EDARADD: variants seen among roughly 807,000 people sequenced by gnomAD.
The protein encoded by EDARADD is EDAR associated via death domain.
EDARADD carries 20 observed loss-of-function variants against 25.6 expected under a neutral mutation model. The ratio of observed to expected loss-of-function variants is 0.78; its 90% CI spans 0.55 to 1.14. The LOEUF (loss-of-function observed/expected upper bound fraction) is 1.14, where lower values mean the gene tolerates loss of function less well. Ranked by LOEUF, EDARADD falls within the 50% of genes most tolerant of loss-of-function variation. The pLI is 0.00. For synonymous variants in EDARADD, 86 were observed against 94.4 expected (o/e 0.91, Z 0.52); for missense variants, 225 against 270.1 (o/e 0.83, Z 1.17).
chr1:236,483,162 A>G lies in EDARADD; in HGVS notation c.*513A>G. On this transcript the variant is annotated 3_prime_UTR_variant, in exon 6 of 6. Coordinates refer to ENST00000334232, the MANE Select transcript of EDARADD (RefSeq NM_145861.4). ...AATGAGACCCAGTGGCTAGAAATTC[A>G]CCATGTCTATTCTCAAGATCCATGC... 1 of 1,544,758 alleles carries G rather than the reference A, an allele frequency of 6.5e-7. No homozygotes were observed. Among genetic ancestry groups the G allele is most frequent in the Non-Finnish European group, 8.9e-7 (1 of 1,120,118 alleles).
rs577963160 is a variant in EDARADD at position 236,362,987 on chromosome 1, G to GAA, written c.-6+12167_-6+12168dup. 8.2e-3 allele frequency among the ~76,000 whole-genome samples: 242 copies of GAA among 29,550 alleles called. 28 individuals carry two copies. Among genetic ancestry groups the GAA allele is most frequent in the African/African-American group, 0.021 (131 of 6,348 alleles). The allele number at this position is 29,550 out of a possible 152,430, so 19.4% of individuals were successfully genotyped here. On this transcript the variant is annotated intron_variant, in intron 3 of 7. Coordinates refer to the EDARADD transcript ENST00000439430. ...TCAAGACTCTGTCTTCTTTTTTTAAGAAAAAAAAAAAAAAAAAAAATATAT... is the reference window on the plus strand; with the variant it reads ...TCAAGACTCTGTCTTCTTTTTTTAAGAAAAAAAAAAAAAAAAAAAAAATATAT...
At chr1:236,454,132 A>G (rs1310023585) in intron 4 of EDARADD, among the ~76,000 whole-genome samples, 2 of 151,958 alleles carry the variant, frequency 1.3e-5, no homozygotes, top group East Asian at 1.9e-4. Context: ...TGCAACCTCC[A>G]TCTCCCGGGT....
chr1:236,355,358 C>G (rs1666961326), intron 3 of EDARADD, among the ~76,000 whole-genome samples: 1 of 152,126 alleles, frequency 6.6e-6, no homozygotes. Context: ...CATGTTCAAA[C>G]CATGACTAGC....
At chr1:236,404,467 C>T (rs593981) in intron 1 of EDARADD, among the ~76,000 whole-genome samples, 88,131 of 151,980 alleles carry the variant, frequency 0.58, 26,118 homozygotes, top group Non-Finnish European at 0.65. Context: ...TGGGCGCCAC[C>T]GTGGGCCTGG....
chr1:236,371,204 T>G (rs913727790), intron 3 of EDARADD, among the ~76,000 whole-genome samples: 1 of 152,208 alleles, frequency 6.6e-6, no homozygotes, highest in Non-Finnish European at 1.5e-5. Context: ...GTACTGTGTT[T>G]TTAATTTCAA....
Position 236,397,884 on chromosome 1 carries a change from C to T in EDARADD, c.61+3379C>T, listed in dbSNP as rs564361873. 3.3e-5 allele frequency among the ~76,000 whole-genome samples: 5 copies of T among 152,260 alleles called. No individual in the cohort carries two copies. In the South Asian group the frequency reaches 6.2e-4, roughly 19 times the overall value. ...ATTTCCCCTTCCTAACATATTGTTT[C>T]GTTTCTGCAACCCACAGGAGACATC... On this transcript the variant is annotated intron_variant, in intron 1 of 5. Coordinates refer to ENST00000334232, the MANE Select transcript of EDARADD (RefSeq NM_145861.4).
At position 236,395,632 on chromosome 1, in the gene EDARADD, G is replaced by T. The variant is rs867965321; in HGVS notation, c.61+1127G>T. 2 of 1,574,390 alleles carry T rather than the reference G, an allele frequency of 1.3e-6. No individual in the cohort carries two copies. The highest frequency in any genetic ancestry group is 2.3e-5 in the East Asian group (1 of 42,982). On this transcript the variant is annotated intron_variant, in intron 1 of 5. Transcript: ENST00000334232. This position sits in a 1 kb window ranked among gnomAD's most constrained non-coding sequence, Gnocchi z 6.9. ...TCGTTTGCCCCTAACCCGCCGCCAT[G>T]GCTTCACCGGACGACCCTCTGCGCG...
In EDARADD at chr1:236,414,300, G is replaced by C. The variant is rs1445257764; in HGVS notation, c.160+1G>C. The C allele has an allele frequency of 6.2e-7, 1 of 1,606,944 alleles. No individual in the cohort carries two copies. Among genetic ancestry groups the C allele is most frequent in the East Asian group, 2.2e-5 (1 of 44,776 alleles). ...ATTCAAGATACGGAACTCCCTAAAG[G>C]TATGTACAGTTAAAATAACTACTTG... On this transcript the variant is annotated splice_donor_variant, in intron 3 of 5. Coordinates refer to ENST00000334232, the MANE Select transcript of EDARADD (RefSeq NM_145861.4). LOFTEE classifies it high-confidence loss of function.
chr1:236,414,430 G>A, intron 3 of EDARADD, 131 bp downstream of exon 3: 1 of 673,930 alleles, frequency 1.5e-6, no homozygotes, highest in Non-Finnish European at 2.6e-6. Flanking sequence ...CTCGTGACTT[G>A]TGACATAATT....
chr1:236,470,055 C>T (rs1462722732), intron 5 of EDARADD, among the ~76,000 whole-genome samples: 1 of 151,950 alleles, frequency 6.6e-6, no homozygotes, highest in Non-Finnish European at 1.5e-5. Context: ...CCTCAGCCAT[C>T]CAAAGTGCTG....
intron 2 of EDARADD, among the ~76,000 whole-genome samples, chr1:236,409,955 G>A (rs187962448): frequency 5.9e-5 from 9 of 152,122 alleles, no homozygotes; most frequent in East Asian, 5.8e-4. Context: ...CAGTTACAGC[G>A]TTTAGTTCTA....
intron 2 of EDARADD, among the ~76,000 whole-genome samples, chr1:236,410,553 G>A (rs567297250): frequency 1.3e-5 from 2 of 152,016 alleles, no homozygotes; most frequent in Non-Finnish European, 2.9e-5. Flanking sequence ...GAAGTGTGCC[G>A]CCACCTAGAC....
chr1:236,456,826 G>A (rs1658882017), intron 4 of EDARADD, among the ~76,000 whole-genome samples: 1 of 150,338 alleles, frequency 6.7e-6, no homozygotes, highest in Non-Finnish European at 1.5e-5. Context: ...TTGAACCCCG[G>A]CCCTGCAGCC....
intron 2 of EDARADD, among the ~76,000 whole-genome samples, chr1:236,411,586 A>AG (rs148593913): frequency 0.16 from 22,867 of 147,376 alleles, 1,894 homozygotes; most frequent in African/African-American, 0.21. Flanking sequence ...CTTGTCGCCC[A>AG]GCTGGAGTGC....
At chr1:236,362,653 G>A (rs1332396688) in intron 3 of EDARADD, among the ~76,000 whole-genome samples, 1 of 152,014 alleles carries the variant, frequency 6.6e-6, no homozygotes, top group Non-Finnish European at 1.5e-5. Flanking sequence ...TTTCTCCTTT[G>A]CTTCTTCTAG....
intron 4 of EDARADD, among the ~76,000 whole-genome samples, chr1:236,463,521 G>C (rs921048939): frequency 2.0e-5 from 3 of 152,192 alleles, no homozygotes; most frequent in Non-Finnish European, 4.4e-5. Flanking sequence ...TCGAACTCCC[G>C]ACCTCAGGTG....
Position 236,416,120 on chromosome 1 carries a change from G to A in EDARADD, c.160+1821G>A, listed in dbSNP as rs147990869. On this transcript the variant is annotated intron_variant, in intron 3 of 5. Transcript: ENST00000334232. ...TGTCCTTTCTTTTCTGTCCAAAAAG[G>A]CTGTGAGTGGCCTCAGCAAGTGGCT... Among the ~76,000 whole-genome samples the A allele has an allele frequency of 3.2e-3, 491 of 152,262 alleles. 3 individuals carry two copies. The highest frequency in any genetic ancestry group is 0.017 in the Middle Eastern group (5 of 294).
chr1:236,441,805 C>T (rs1013183212), intron 4 of EDARADD, among the ~76,000 whole-genome samples: 16 of 152,042 alleles, frequency 1.1e-4, no homozygotes, highest in Non-Finnish European at 7.4e-5. Context: ...GTTGGGAATA[C>T]AGATGTGAGT....
upstream of EDARADD, among the ~76,000 whole-genome samples, chr1:236,392,212 C>A (rs1259103011): frequency 6.6e-6 from 1 of 151,850 alleles, no homozygotes; most frequent in Non-Finnish European, 1.5e-5. Flanking sequence ...TATTGGTTGA[C>A]TTCTTATAAC....
Sources: gnomAD v4.1 joint callset for allele counts (sites outside exome capture counted in the v4.1 genomes callset) on GRCh38, gnomAD v4.1.1 for gene constraint, Gnocchi (gnomAD v3.1) non-coding constraint, MANE v1.5 for transcripts, NCBI Gene and HGNC (gene_info 2026-07-23, HGNC 2026-07-21) for gene names.